ZBED6: variants seen among roughly 807,000 people sequenced by gnomAD.
The protein encoded by ZBED6 is zinc finger BED domain-containing protein 6.
In ZBED6, 40 loss-of-function variants were observed where a neutral mutation model predicts 58.4. The ratio of observed to expected loss-of-function variants is 0.68; its 90% CI spans 0.53 to 0.89. The LOEUF (loss-of-function observed/expected upper bound fraction) is 0.89. Ranked by LOEUF, ZBED6 falls within the 40% of genes least tolerant of loss-of-function variation. ZBED6 has a pLI of 0.00. For missense variants in ZBED6, 1,057 were observed against 1,003.9 expected (o/e 1.05, Z -0.71); for synonymous variants, 439 against 350.6 (o/e 1.25, Z -2.82).
Position 203,828,428 on chromosome 1 carries a change from A to C in ZBED6, c.*2997+6A>C. On this transcript the variant is annotated splice_donor_region_variant and intron_variant, in intron 4 of 16. Transcript: ENST00000550078. ...TTTCCTACCTCCGAGCAAAAGTGAG[A>C]TCAGTTTTTAATTTTAAAAGAATAT... 6.2e-7 allele frequency: 1 copy of C among 1,604,498 alleles called. No individual in the cohort carries two copies. The highest frequency in any genetic ancestry group is 8.5e-7 in the Non-Finnish European group (1 of 1,174,560).
At chr1:203,797,345 A>G in exon 1 of ZBED6, 2 of 569,146 alleles carry the variant, frequency 3.5e-6, no homozygotes, top group South Asian at 2.7e-5. Flanking sequence ...AATGTTCTCC[A>G]TTGCTGTCAG....
chr1:203,829,676 C>T, intron 5 of ZBED6, 22 bp downstream of exon 5: 1 of 1,614,052 alleles, frequency 6.2e-7, no homozygotes, highest in Non-Finnish European at 8.5e-7. Context: ...CTGGCTCCTT[C>T]TTTAAGGCAA....
intron 3 of ZBED6, among the ~76,000 whole-genome samples, chr1:203,822,409 C>T (rs1679079511): frequency 6.6e-6 from 1 of 151,906 alleles, no homozygotes; most frequent in Non-Finnish European, 1.5e-5. Flanking sequence ...CCTGCTTGGA[C>T]CCCAACATCC....
chr1:203,808,017 C>T (rs1035410903), intron 1 of ZBED6, among the ~76,000 whole-genome samples: 6 of 152,070 alleles, frequency 3.9e-5, no homozygotes, highest in African/African-American at 9.7e-5. Flanking sequence ...GCTGGCATTA[C>T]GGATGTGAGC....
At chr1:203,840,722 C>T (rs1224937024) in intron 11 of ZBED6, among the ~76,000 whole-genome samples, 1 of 151,998 alleles carries the variant, frequency 6.6e-6, no homozygotes, top group African/African-American at 2.4e-5. Context: ...CAACCTCCAC[C>T]TCCTGGGTTC....
chr1:203,808,408 C>T (rs1673102631), intron 1 of ZBED6, among the ~76,000 whole-genome samples: 3 of 152,140 alleles, frequency 2.0e-5, no homozygotes, highest in Admixed American at 6.5e-5. Flanking sequence ...TTTACCATGT[C>T]TGTGTATAGC....
intron 1 of ZBED6, among the ~76,000 whole-genome samples, chr1:203,813,209 TTTTTTG>T (rs1675111483): frequency 6.6e-6 from 1 of 151,704 alleles, no homozygotes. Flanking sequence ...TTGTTTTTTG[TTTTTTG>T]TTTTTTTTTG....
exon 1 of ZBED6, chr1:203,799,264 T>C: frequency 1.3e-6 from 1 of 757,288 alleles, no homozygotes. Context: ...TTTACCCATG[T>C]GCCATGCTTC....
At chr1:203,803,421 C>A (rs774312658) in intron 1 of ZBED6, among the ~76,000 whole-genome samples, 1 of 152,098 alleles carries the variant, frequency 6.6e-6, no homozygotes, top group Non-Finnish European at 1.5e-5. Context: ...GAATTCCTGA[C>A]CTCAGGTGAT....
chr1:203,831,675 G>C (rs1682430454), exon 8 of ZBED6: 1 of 1,612,344 alleles, frequency 6.2e-7, no homozygotes, highest in Non-Finnish European at 8.5e-7. Context: ...TTCTTCAGGA[G>C]TTTCCAGTCT....
intron 1 of ZBED6, among the ~76,000 whole-genome samples, chr1:203,813,327 C>G (rs11801064): frequency 0.18 from 26,628 of 152,076 alleles, 2,441 homozygotes; most frequent in Middle Eastern, 0.25. Context: ...TTGCCTCAGC[C>G]TCCTCAGTAG....
At chr1:203,805,654 C>T (rs867408865) in intron 1 of ZBED6, 30 of 704,946 alleles carry the variant, frequency 4.3e-5, no homozygotes, top group South Asian at 4.0e-4. Flanking sequence ...CAAATTCATC[C>T]ACCAGAACTC....
intron 1 of ZBED6, among the ~76,000 whole-genome samples, chr1:203,815,438 C>T (rs1676059183): frequency 7.0e-6 from 1 of 143,388 alleles, no homozygotes; most frequent in Non-Finnish European, 1.5e-5. Context: ...AGGCTGGTCT[C>T]GAACTCCTGG....
intron 1 of ZBED6, among the ~76,000 whole-genome samples, chr1:203,813,905 C>T (rs1247696541): frequency 2.0e-5 from 3 of 151,868 alleles, no homozygotes; most frequent in Non-Finnish European, 4.4e-5. Flanking sequence ...TGAATCTAGT[C>T]ACACACCTAA....
intron 10 of ZBED6, 37 bp downstream of exon 10, chr1:203,838,101 A>G (rs377581849): frequency 6.3e-7 from 1 of 1,586,716 alleles, no homozygotes; most frequent in African/African-American, 1.3e-5. Flanking sequence ...TGTGTATGTA[A>G]TTATGACACT....
chr1:203,842,295 C>T (rs1402845905), intron 11 of ZBED6, among the ~76,000 whole-genome samples: 1 of 152,196 alleles, frequency 6.6e-6, no homozygotes, highest in East Asian at 1.9e-4. Context: ...CCACTGCACT[C>T]CAGCCTGGGC....
chr1:203,818,485 C>T, intron 2 of ZBED6, 85 bp from the exon 3 acceptor site: 1 of 1,577,674 alleles, frequency 6.3e-7, no homozygotes, highest in Non-Finnish European at 8.6e-7. Context: ...TTGTGCTTGT[C>T]TAAATTCCAG....
exon 1 of ZBED6, chr1:203,798,803 T>C: frequency 4.6e-6 from 7 of 1,536,168 alleles, no homozygotes; most frequent in Non-Finnish European, 6.1e-6. Context: ...CTTACAACTA[T>C]TTCTCAACCC....
chr1:203,832,870 G>C (rs17482973), intron 8 of ZBED6, among the ~76,000 whole-genome samples: 27,313 of 152,156 alleles, frequency 0.18, 2,594 homozygotes, highest in Middle Eastern at 0.26. Flanking sequence ...TAAGCAAAAG[G>C]ATAGTTTCAG....
Sources: allele counts gnomAD v4.1 joint callset (sites outside exome capture counted in the v4.1 genomes callset), GRCh38; gene constraint gnomAD v4.1.1; transcripts MANE v1.5; gene names NCBI Gene and HGNC (gene_info 2026-07-23, HGNC 2026-07-21).